TUSC3: variants seen among roughly 807,000 people sequenced by gnomAD.
TUSC3 encodes the protein tumor suppressor candidate 3.
TUSC3 carries 45 observed loss-of-function variants against 44.8 expected under a neutral mutation model. The observed-to-expected ratio is 1.00, with a 90% CI of 0.79 to 1.29. The LOEUF is 1.29. Ranked by LOEUF, TUSC3 falls within the 50% of genes most tolerant of loss-of-function variation. The pLI is 0.00. For synonymous variants in TUSC3, 212 were observed against 152.9 expected (o/e 1.39, Z -2.85); for missense variants, 519 against 437.9 (o/e 1.19, Z -1.65).
chr8:15,428,177 T>G (rs138303989), intron 1 of TUSC3, among the ~76,000 whole-genome samples: 106 of 138,014 alleles, frequency 7.7e-4, no homozygotes, highest in African/African-American at 2.7e-3. Flanking sequence ...TGTCCATGTG[T>G]TCTCATTGTT....
intron 1 of TUSC3, among the ~76,000 whole-genome samples, chr8:15,440,907 A>G (rs1327486583): frequency 6.6e-6 from 1 of 152,210 alleles, no homozygotes; most frequent in Non-Finnish European, 1.5e-5. Context: ...TCTAACAAAG[A>G]GGAAACCATT....
the TUSC3 span, among the ~76,000 whole-genome samples, chr8:15,805,549 A>T: frequency 6.6e-6 from 1 of 151,958 alleles, no homozygotes; most frequent in Admixed American, 6.6e-5. Flanking sequence ...AGGATGTTGG[A>T]TTTTATTAAG....
chr8:15,672,517 G>A (rs1176563467), intron 5 of TUSC3, among the ~76,000 whole-genome samples: 1 of 152,040 alleles, frequency 6.6e-6, no homozygotes, highest in Non-Finnish European at 1.5e-5. Flanking sequence ...CACAGGTGCT[G>A]AAGATACATC....
At chr8:15,544,631 C>T (rs1801803685) in intron 1 of TUSC3, among the ~76,000 whole-genome samples, 1 of 151,620 alleles carries the variant, frequency 6.6e-6, no homozygotes, top group Non-Finnish European at 1.5e-5. Context: ...GTTTTCGTGG[C>T]ACAGCTGTGA....
intron 1 of TUSC3, among the ~76,000 whole-genome samples, chr8:15,477,334 A>G (rs1215098323): frequency 6.6e-6 from 1 of 152,202 alleles, no homozygotes; most frequent in Non-Finnish European, 1.5e-5. Context: ...ATAACCTAAT[A>G]TCAAACACTT....
intron 1 of TUSC3, among the ~76,000 whole-genome samples, chr8:15,435,452 C>G (rs1392768930): frequency 5.3e-5 from 8 of 152,102 alleles, no homozygotes; most frequent in Non-Finnish European, 4.4e-5. Flanking sequence ...GTGAAGTACT[C>G]AAATGTCTAC....
chr8:15,580,752 T>G (rs1803292200), intron 1 of TUSC3, among the ~76,000 whole-genome samples: 1 of 127,522 alleles, frequency 7.8e-6, no homozygotes, highest in African/African-American at 3.2e-5. Context: ...CCCTTAACAT[T>G]TTTTCCTTCA....
At chr8:15,491,669 T>G (rs1800810939) in intron 2 of TUSC3, among the ~76,000 whole-genome samples, 1 of 152,184 alleles carries the variant, frequency 6.6e-6, no homozygotes, top group Non-Finnish European at 1.5e-5. Context: ...CCAGCTGATT[T>G]ACAAGGAAGA....
chr8:15,462,232 A>G (rs1800355864), intron 1 of TUSC3, among the ~76,000 whole-genome samples: 1 of 152,130 alleles, frequency 6.6e-6, no homozygotes. Context: ...AATCATCACC[A>G]TTCTATGTGG....
the TUSC3 span, among the ~76,000 whole-genome samples, chr8:15,825,104 A>T: frequency 6.6e-6 from 1 of 152,310 alleles, no homozygotes; most frequent in Non-Finnish European, 1.5e-5. Context: ...GGTGCTCCTG[A>T]TATTTACTGC....
At chr8:15,494,863 G>A (rs1468453363) in intron 2 of TUSC3, among the ~76,000 whole-genome samples, 2 of 152,110 alleles carry the variant, frequency 1.3e-5, no homozygotes, top group African/African-American at 2.4e-5. Context: ...CTTTTTGATA[G>A]GAATGATAAA....
chr8:15,542,861 AAAG>A (rs1801736057), intron 1 of TUSC3, among the ~76,000 whole-genome samples: 2 of 152,238 alleles, frequency 1.3e-5, no homozygotes, highest in South Asian at 4.1e-4. Flanking sequence ...TTACTGAAGA[AAAG>A]AAGAGCAAAA....
At position 15,718,993 on chromosome 8, in the gene TUSC3, T is replaced by C. The variant is rs183971113; in HGVS notation, c.799-11673T>C. Reference sequence around the variant, plus strand: ...CAGGATCAGATCACTTCTTACCACCTGCTCCAGGATAAGATCACTTCTTAC... The same window carrying C: ...CAGGATCAGATCACTTCTTACCACCCGCTCCAGGATAAGATCACTTCTTAC... On this transcript the variant is annotated intron_variant, in intron 6 of 10. Coordinates refer to ENST00000503731, the MANE Select transcript of TUSC3 (RefSeq NM_006765.4). 1.8e-4 allele frequency among the ~76,000 whole-genome samples: 27 copies of C among 152,162 alleles called. No homozygotes were observed. The East Asian group carries it at 3.7e-3, about 21-fold the overall frequency.
intron 1 of TUSC3, among the ~76,000 whole-genome samples, chr8:15,594,245 G>A (rs879433647): frequency 2.6e-5 from 4 of 151,732 alleles, no homozygotes; most frequent in Non-Finnish European, 5.9e-5. Context: ...TTTATTTCAC[G>A]TGTTGTAGTT....
At chr8:15,639,012 CAT>C (rs954669077) in intron 2 of TUSC3, among the ~76,000 whole-genome samples, 2 of 138,268 alleles carry the variant, frequency 1.4e-5, no homozygotes, top group Non-Finnish European at 3.0e-5. Context: ...TGATGATGAT[CAT>C]GTGTCGATGC....
At chr8:15,582,238 C>G (rs1294055230) in intron 1 of TUSC3, among the ~76,000 whole-genome samples, 1 of 152,176 alleles carries the variant, frequency 6.6e-6, no homozygotes, top group African/African-American at 2.4e-5. Context: ...AACCTGGTAC[C>G]TCAGATGGAA....
At chr8:15,635,607 G>A (rs1009405305) in intron 2 of TUSC3, among the ~76,000 whole-genome samples, 1 of 152,144 alleles carries the variant, frequency 6.6e-6, no homozygotes, top group Admixed American at 6.5e-5. Context: ...TACTCTCACA[G>A]TGAGAGTCGT....
At chr8:15,843,621 T>TACAC in the TUSC3 span, among the ~76,000 whole-genome samples, 1,849 of 146,732 alleles carry the variant, frequency 0.013, 68 homozygotes, top group African/African-American at 0.043. Flanking sequence ...TATATATATA[T>TACAC]ACACGCACAT....
At chr8:15,643,046 A>G (rs556184377) in intron 2 of TUSC3, among the ~76,000 whole-genome samples, 56 of 152,248 alleles carry the variant, frequency 3.7e-4, no homozygotes, top group South Asian at 1.9e-3. Context: ...GGAGGGACCC[A>G]TGTTGTTCTG....
Sources: gnomAD v4.1 joint callset for allele counts (sites outside exome capture counted in the v4.1 genomes callset) on GRCh38, gnomAD v4.1.1 for gene constraint, MANE v1.5 for transcripts, NCBI Gene and HGNC (gene_info 2026-07-23, HGNC 2026-07-21) for gene names.